Variants in CCM2 observed in about 807,000 individuals in gnomAD.
CCM2 encodes CCM2 scaffold protein.
Under a neutral mutation model 44.9 loss-of-function variants are expected in CCM2, and 25 were observed. That is an observed-to-expected ratio of 0.56 (90% CI 0.41 to 0.78). The LOEUF is 0.78. Ranked by LOEUF, CCM2 falls within the 30% of genes least tolerant of loss-of-function variation. The pLI is 0.00. For missense variants in CCM2, 481 were observed against 580.6 expected, an observed-to-expected ratio of 0.83 and a Z score of 1.76; for synonymous variants, 219 against 241.1, an observed-to-expected ratio of 0.91 and a Z score of 0.85.
chr7:45,060,526 A>G (rs1040916565), intron 2 of CCM2, among the ~76,000 whole-genome samples: 5 of 152,178 alleles, frequency 3.3e-5, no homozygotes, highest in South Asian at 2.1e-4. Flanking sequence ...CATTACTCCA[A>G]ATAGTTATTG....
chr7:45,005,149 T>G lies in CCM2; in HGVS notation c.30+4786T>G, dbSNP rs141157500. On this transcript the variant is annotated intron_variant, in intron 1 of 9. Transcript: ENST00000258781. ...ATTGCAGTGATTCTTGGATGGCAAC[T>G]TGGTAACTCAGGGTCAGGAGGCTGG... 9.4e-3 allele frequency among the ~76,000 whole-genome samples: 1,438 copies of G among 152,336 alleles called. 23 individuals are homozygous for G. The highest frequency in any genetic ancestry group is 0.051 in the Middle Eastern group (15 of 294).
intron 9 of CCM2, among the ~76,000 whole-genome samples, chr7:45,075,044 G>A (rs1005456036): frequency 1.3e-5 from 2 of 152,216 alleles, no homozygotes; most frequent in African/African-American, 4.8e-5. Context: ...AAGGAAGGTG[G>A]GTTTGTTAAC....
At chr7:45,069,344 G>A (rs949607317) in intron 5 of CCM2, among the ~76,000 whole-genome samples, 14 of 152,250 alleles carry the variant, frequency 9.2e-5, no homozygotes, top group Admixed American at 3.3e-4. Context: ...TCCAGATATT[G>A]CTACATGTCC....
chr7:45,023,920 C>T (rs775108595), intron 1 of CCM2, among the ~76,000 whole-genome samples: 1 of 150,504 alleles, frequency 6.6e-6, no homozygotes, highest in Non-Finnish European at 1.5e-5. Flanking sequence ...AAGTGATCCT[C>T]CTGCCTCAGT....
chr7:45,012,772 A>C (rs146088068), intron 1 of CCM2, among the ~76,000 whole-genome samples: 1 of 151,668 alleles, frequency 6.6e-6, no homozygotes, highest in Non-Finnish European at 1.5e-5. Context: ...GGTCGTCTCA[A>C]ACTCCTGGCC....
intron 2 of CCM2, among the ~76,000 whole-genome samples, chr7:45,059,718 A>G (rs904553743): frequency 6.6e-6 from 1 of 152,206 alleles, no homozygotes; most frequent in East Asian, 1.9e-4. Flanking sequence ...AGCCTGGGCA[A>G]CAGAGCAAGA....
Position 45,073,516 on chromosome 7 carries a change from G to T in CCM2, c.860G>T (p.Ser287Ile). Residue 287 changes from serine (S) to isoleucine (I), a missense_variant, in exon 8 of 10, where the codon AGT (serine) becomes ATT (isoleucine). Ser to Ile is a moderately radical substitution (Grantham distance 142, BLOSUM62 -2). Coordinates refer to ENST00000258781, the MANE Select transcript of CCM2 (RefSeq NM_031443.4). ...GCATCACCCCACAGCAAGACCATCAGTGAGAGCGAGCTGAGCGCCAGCGCC... is the reference window on the plus strand; with the variant it reads ...GCATCACCCCACAGCAAGACCATCATTGAGAGCGAGCTGAGCGCCAGCGCC... ...GGASPHSKTI[S>I]ESELSASATE... The T allele has an allele frequency of 6.2e-7, 1 of 1,613,384 alleles. No individual in the cohort carries two copies. Among genetic ancestry groups the T allele is most frequent in the Non-Finnish European group, 8.5e-7 (1 of 1,180,010 alleles).
intron 2 of CCM2, among the ~76,000 whole-genome samples, chr7:45,047,372 CTA>C (rs1308499590): frequency 1.3e-5 from 2 of 152,174 alleles, no homozygotes; most frequent in Non-Finnish European, 2.9e-5. Context: ...CCACAGAAGA[CTA>C]TTCAATAATA....
At chr7:45,001,236 T>A (rs187337200) in intron 1 of CCM2, among the ~76,000 whole-genome samples, 1 of 152,214 alleles carries the variant, frequency 6.6e-6, no homozygotes, top group African/African-American at 2.4e-5. Flanking sequence ...CATTTAAAAG[T>A]CCTGTTTGAA....
At chr7:45,047,140 T>C (rs1211194403) in intron 2 of CCM2, among the ~76,000 whole-genome samples, 1 of 152,138 alleles carries the variant, frequency 6.6e-6, no homozygotes, top group Non-Finnish European at 1.5e-5. Context: ...GTACCGCCAC[T>C]CTAGAAAGCA....
At chr7:45,027,906 G>T in intron 1 of CCM2, 2 of 1,156,912 alleles carry the variant, frequency 1.7e-6, no homozygotes, top group Non-Finnish European at 2.5e-6. Flanking sequence ...GTGAGCTAGG[G>T]TAGCCCAGTC....
At chr7:45,060,325 C>T (rs992870454) in intron 2 of CCM2, among the ~76,000 whole-genome samples, 1 of 152,036 alleles carries the variant, frequency 6.6e-6, no homozygotes, top group Non-Finnish European at 1.5e-5. Flanking sequence ...TGTTTTTTTC[C>T]TGTGGAAAAA....
intron 1 of CCM2, among the ~76,000 whole-genome samples, chr7:45,011,134 C>T (rs1012345421): frequency 2.0e-5 from 3 of 152,020 alleles, no homozygotes; most frequent in Non-Finnish European, 2.9e-5. Context: ...CAAACTCCTG[C>T]AGTTCTCATG....
intron 1 of CCM2, among the ~76,000 whole-genome samples, chr7:45,021,489 C>T (rs1018175448): frequency 4.0e-5 from 6 of 151,046 alleles, no homozygotes; most frequent in Admixed American, 2.0e-4. Context: ...TGCTTGAACC[C>T]GGAAGGTAGA....
chr7:45,062,185 T>C (rs1798558106), intron 2 of CCM2, among the ~76,000 whole-genome samples: 1 of 152,188 alleles, frequency 6.6e-6, no homozygotes. Context: ...TTCTGAGCCT[T>C]TACAAGCTGG....
At chr7:45,043,698 T>A in intron 2 of CCM2, 1 of 395,700 alleles carries the variant, frequency 2.5e-6, no homozygotes, top group Non-Finnish European at 4.8e-6. Context: ...TTTTTTTCTT[T>A]CCTTCTAGGG....
At chr7:45,016,934 A>AT (rs1306287133) in intron 1 of CCM2, among the ~76,000 whole-genome samples, 5 of 151,662 alleles carry the variant, frequency 3.3e-5, no homozygotes, top group Admixed American at 6.6e-5. Flanking sequence ...CGCTTGGCTA[A>AT]TTTTTTTTGT....
chr7:45,057,149 G>T (rs190603944), intron 2 of CCM2, among the ~76,000 whole-genome samples: 1 of 151,806 alleles, frequency 6.6e-6, no homozygotes, highest in Non-Finnish European at 1.5e-5. Flanking sequence ...TCTTTCTTGG[G>T]CTCTCTTTTT....
intron 1 of CCM2, chr7:45,027,544 G>A: frequency 1.5e-6 from 2 of 1,367,266 alleles, no homozygotes; most frequent in Middle Eastern, 1.8e-4. Flanking sequence ...AACAGTTTCT[G>A]GGTGCTGCCT....
Sources: gnomAD v4.1 joint callset for allele counts (sites outside exome capture counted in the v4.1 genomes callset) on GRCh38, gnomAD v4.1.1 for gene constraint, MANE v1.5 for transcripts, NCBI Gene and HGNC (gene_info 2026-07-23, HGNC 2026-07-21) for gene names.